The following GRIK3 variants were observed in gnomAD, a reference collection of about 807,000 sequenced individuals.
GRIK3 encodes glutamate ionotropic receptor kainate type subunit 3.
GRIK3 carries 29 observed loss-of-function variants against 102.5 expected under a neutral mutation model. The ratio of observed to expected loss-of-function variants is 0.28; its 90% CI spans 0.21 to 0.39. The LOEUF is 0.39. GRIK3 is among the 10% of genes least tolerant of loss of function. The probability of loss-of-function intolerance (pLI) is 1.00; values close to 1 mark genes in which losing one functional copy is unlikely to be tolerated. For missense variants in GRIK3, 908 were observed against 1,252.4 expected, an observed-to-expected ratio of 0.73 and a Z score of 4.15; for synonymous variants, 511 against 504.9, an observed-to-expected ratio of 1.01 and a Z score of -0.16.
In GRIK3 at chr1:36,818,313, C is replaced by T. The variant is rs778688521; in HGVS notation, c.1874-1036G>A. Among the ~76,000 whole-genome samples the T allele has an allele frequency of 1.8e-3, 273 of 152,220 alleles. 3 individuals carry two copies. The highest frequency in any genetic ancestry group is 3.2e-4 in the Non-Finnish European group (22 of 68,012). On this transcript the variant is annotated intron_variant, in intron 12 of 15. Transcript: ENST00000373091. ...TTTCCCAACTGTCACCGAACAAAGA[C>T]GATGGACAAAAAAACAAGGTGAGGC...
rs142826083 is a variant in GRIK3 at position 36,942,255 on chromosome 1, C to T, written c.116-51159G>A. On this transcript the variant is annotated intron_variant, in intron 1 of 15. Transcript: ENST00000373091. ...GGTGATGATGCTGGCGCTGCCACCG[C>T]GGGGTGACTCACATGAGTCCTGTGG... Among the ~76,000 whole-genome samples, 3 of 152,310 alleles carry T rather than the reference C, an allele frequency of 2.0e-5. No homozygotes were observed. The East Asian group carries it at 5.8e-4, about 29-fold the overall frequency.
At chr1:36,982,626 A>T (rs1570843214) in intron 1 of GRIK3, among the ~76,000 whole-genome samples, 1 of 152,172 alleles carries the variant, frequency 6.6e-6, no homozygotes, top group South Asian at 2.1e-4. Context: ...GGAAGGGGAA[A>T]GTCCCCGCCC....
chr1:36,851,488 G>A (rs1640584229), intron 8 of GRIK3, among the ~76,000 whole-genome samples: 1 of 152,266 alleles, frequency 6.6e-6, no homozygotes. Flanking sequence ...TGAGCTCAGA[G>A]CCAAGCTCAC....
chr1:36,904,316 C>T (rs12028129), intron 1 of GRIK3, among the ~76,000 whole-genome samples: 5 of 152,176 alleles, frequency 3.3e-5, no homozygotes, highest in African/African-American at 1.2e-4. Flanking sequence ...AAGAAGAATT[C>T]GTACCAAAAG....
chr1:36,957,078 C>T (rs879826898), intron 1 of GRIK3, among the ~76,000 whole-genome samples: 2 of 152,246 alleles, frequency 1.3e-5, no homozygotes, highest in East Asian at 1.9e-4. Flanking sequence ...GCTATGGAAA[C>T]GGAGGCTCTG....
chr1:36,802,328 G>A (rs1481445365), intron 15 of GRIK3, among the ~76,000 whole-genome samples: 3 of 152,246 alleles, frequency 2.0e-5, no homozygotes, highest in East Asian at 3.9e-4. Context: ...GCACATTAAC[G>A]TCTGAGGAGC....
At chr1:36,966,440 CAG>C (rs1642079221) in intron 1 of GRIK3, among the ~76,000 whole-genome samples, 1 of 152,136 alleles carries the variant, frequency 6.6e-6, no homozygotes, top group African/African-American at 2.4e-5. Context: ...TTTGCCAGGA[CAG>C]AGATGGCTGG....
chr1:37,009,262 G>A (rs891240888), intron 1 of GRIK3, among the ~76,000 whole-genome samples: 22 of 152,212 alleles, frequency 1.4e-4, no homozygotes, highest in African/African-American at 3.4e-4. Flanking sequence ...GGAACAAGGT[G>A]AGGATTATGG....
chr1:36,969,184 G>A (rs1010054334), intron 1 of GRIK3, among the ~76,000 whole-genome samples: 1 of 152,152 alleles, frequency 6.6e-6, no homozygotes, highest in Non-Finnish European at 1.5e-5. Context: ...GGCTGAGCAG[G>A]GCCCCACCAA....
rs150662122 is a variant in GRIK3 at position 36,937,029 on chromosome 1, C to A, written c.116-45933G>T. On this transcript the variant is annotated intron_variant, in intron 1 of 15. Transcript: ENST00000373091. ...TCAATGGACACGCAGTGGAGGATAT[C>A]GGGCTGTCCTCTCCACCAGTTTTCA... Among the ~76,000 whole-genome samples, 506 of 152,262 alleles carry A rather than the reference C, an allele frequency of 3.3e-3. 1 individual carries two copies. The highest frequency in any genetic ancestry group is 0.01 in the Middle Eastern group (3 of 294).
At chr1:36,837,580 C>G (rs1640395488) in intron 10 of GRIK3, among the ~76,000 whole-genome samples, 2 of 152,144 alleles carry the variant, frequency 1.3e-5, no homozygotes, top group Non-Finnish European at 2.9e-5. Flanking sequence ...AGTGACCTTC[C>G]TCAAGTGCCA....
chr1:36,946,431 G>T (rs1361759107), intron 1 of GRIK3, among the ~76,000 whole-genome samples: 2 of 152,212 alleles, frequency 1.3e-5, no homozygotes, highest in African/African-American at 4.8e-5. Flanking sequence ...CTGCAGGAAG[G>T]ATGCTCCAAG....
chr1:36,852,556 C>T (rs972838817), intron 8 of GRIK3, among the ~76,000 whole-genome samples: 3 of 152,220 alleles, frequency 2.0e-5, no homozygotes, highest in African/African-American at 7.2e-5. Context: ...CAGGGCAGAG[C>T]TGTGCTTGGG....
chr1:36,884,754 G>C (rs1342339764), intron 2 of GRIK3, among the ~76,000 whole-genome samples: 4 of 152,168 alleles, frequency 2.6e-5, no homozygotes, highest in African/African-American at 9.7e-5. Flanking sequence ...AGACTTGGTT[G>C]AATGATTTGA....
At chr1:36,905,768 T>G (rs1161550080) in intron 1 of GRIK3, among the ~76,000 whole-genome samples, 1 of 152,180 alleles carries the variant, frequency 6.6e-6, no homozygotes, top group South Asian at 2.1e-4. Context: ...AAGTATGTAT[T>G]ATTACTTCAA....
chr1:36,847,655 G>A (rs1370957894), intron 9 of GRIK3, among the ~76,000 whole-genome samples: 1 of 152,244 alleles, frequency 6.6e-6, no homozygotes, highest in Non-Finnish European at 1.5e-5. Context: ...AATCATTCAT[G>A]CTCTGAACTC....
chr1:36,924,566 G>T (rs1414094352), intron 1 of GRIK3, among the ~76,000 whole-genome samples: 1 of 152,188 alleles, frequency 6.6e-6, no homozygotes, highest in Non-Finnish European at 1.5e-5. Context: ...CCCGGTTGGG[G>T]GAGTAGGAGG....
intron 10 of GRIK3, among the ~76,000 whole-genome samples, chr1:36,837,992 G>A (rs1156448187): frequency 1.8e-4 from 28 of 152,190 alleles, no homozygotes; most frequent in Admixed American, 1.8e-3. Context: ...GACTACTGTG[G>A]CCTGGCAGGA....
At chr1:36,929,867 A>C (rs1030590712) in intron 1 of GRIK3, among the ~76,000 whole-genome samples, 7 of 152,258 alleles carry the variant, frequency 4.6e-5, no homozygotes, top group African/African-American at 1.7e-4. Flanking sequence ...AGCTGCAGTC[A>C]AGATGTCAGC....
Sources: gnomAD v4.1 joint callset for allele counts (sites outside exome capture counted in the v4.1 genomes callset) on GRCh38, gnomAD v4.1.1 for gene constraint, MANE v1.5 for transcripts, NCBI Gene and HGNC (gene_info 2026-07-23, HGNC 2026-07-21) for gene names.